CTNND2: variants seen among roughly 807,000 people sequenced by gnomAD.
CTNND2 encodes catenin delta 2.
A neutral mutation model predicts 144.4 loss-of-function variants in CTNND2; 22 were observed. The ratio of observed to expected loss-of-function variants is 0.15; its 90% CI spans 0.11 to 0.22. The LOEUF (loss-of-function observed/expected upper bound fraction) is 0.22. CTNND2 is among the 10% of genes least tolerant of loss of function. The pLI is 1.00. For synonymous variants in CTNND2, 751 were observed against 695.6 expected (o/e 1.08, Z -1.25); for missense variants, 1,353 against 1,618.8 (o/e 0.84, Z 2.82).
At chr5:11,510,420 T>G (rs953651877) in intron 3 of CTNND2, among the ~76,000 whole-genome samples, 7 of 152,342 alleles carry the variant, frequency 4.6e-5, no homozygotes, top group Admixed American at 4.6e-4. Context: ...ATTTCTACAC[T>G]CATTAAATTT....
At chr5:11,397,316 C>T in intron 5 of CTNND2, 113 bp from the exon 6 acceptor site, 2 of 831,036 alleles carry the variant, frequency 2.4e-6, no homozygotes, top group Non-Finnish European at 3.5e-6. Context: ...TTCCAGCCAT[C>T]CATGCTTAAA....
chr5:11,422,321 G>A (rs1762436209), intron 3 of CTNND2, among the ~76,000 whole-genome samples: 1 of 152,156 alleles, frequency 6.6e-6, no homozygotes. Flanking sequence ...TGTTGCTCAG[G>A]ATGTCTTTCC....
At chr5:11,383,144 C>T (rs914263285) in intron 7 of CTNND2, among the ~76,000 whole-genome samples, 5 of 152,052 alleles carry the variant, frequency 3.3e-5, no homozygotes, top group South Asian at 2.1e-4. Flanking sequence ...GGAGAAAGAA[C>T]TGGAAGCTAA....
chr5:11,853,930 A>G (rs1029442455), intron 1 of CTNND2, among the ~76,000 whole-genome samples: 13 of 152,150 alleles, frequency 8.5e-5, no homozygotes, highest in Non-Finnish European at 1.9e-4. Flanking sequence ...CGTGTCCACC[A>G]CTGCTGTCCT....
intron 1 of CTNND2, among the ~76,000 whole-genome samples, chr5:11,849,445 A>G (rs1417948145): frequency 6.6e-6 from 1 of 152,186 alleles, no homozygotes; most frequent in African/African-American, 2.4e-5. Flanking sequence ...TAGCATTTTT[A>G]CTTATGAGAG....
chr5:11,875,513 G>A (rs1735498611), intron 1 of CTNND2, among the ~76,000 whole-genome samples: 1 of 152,168 alleles, frequency 6.6e-6, no homozygotes, highest in Non-Finnish European at 1.5e-5. Context: ...CAATGTAACA[G>A]TATTTAAAGC....
chr5:11,260,039 G>A (rs1744700359), intron 9 of CTNND2, among the ~76,000 whole-genome samples: 1 of 152,182 alleles, frequency 6.6e-6, no homozygotes, highest in Admixed American at 6.5e-5. Flanking sequence ...CTCTGCATAT[G>A]GTGAGTGAAA....
chr5:11,876,475 T>A (rs868110521), intron 1 of CTNND2, among the ~76,000 whole-genome samples: 1 of 152,192 alleles, frequency 6.6e-6, no homozygotes, highest in African/African-American at 2.4e-5. Context: ...TAACATTTAA[T>A]CATAGGGTTA....
intron 3 of CTNND2, among the ~76,000 whole-genome samples, chr5:11,429,259 T>C (rs1021558419): frequency 2.0e-5 from 3 of 152,224 alleles, no homozygotes; most frequent in East Asian, 3.8e-4. Flanking sequence ...ATTAAGCCCA[T>C]TGCCATATTT....
chr5:11,320,120 T>C (rs1483452413), intron 9 of CTNND2, among the ~76,000 whole-genome samples: 1 of 152,214 alleles, frequency 6.6e-6, no homozygotes, highest in African/African-American at 2.4e-5. Flanking sequence ...CACTGCTCAA[T>C]TGCATTCAAC....
At chr5:11,234,911 A>G (rs1741457613) in intron 10 of CTNND2, among the ~76,000 whole-genome samples, 1 of 152,228 alleles carries the variant, frequency 6.6e-6, no homozygotes, top group Non-Finnish European at 1.5e-5. Flanking sequence ...TACAAGGCCC[A>G]GTCTGCATGT....
At chr5:11,602,171 CCAT>C (rs1779827584) in intron 2 of CTNND2, among the ~76,000 whole-genome samples, 2 of 151,938 alleles carry the variant, frequency 1.3e-5, no homozygotes, top group South Asian at 2.1e-4. Context: ...ATAAAATACT[CCAT>C]CATAATTTAA....
At chr5:11,467,386 G>T (rs1581257995) in intron 3 of CTNND2, among the ~76,000 whole-genome samples, 1 of 152,210 alleles carries the variant, frequency 6.6e-6, no homozygotes, top group Admixed American at 6.5e-5. Context: ...CCCACACTGG[G>T]GCAAGGCTTT....
rs531056491 is a variant in CTNND2, at chr5:11,238,607, G to A, written c.1629-1784C>T. 5.3e-5 allele frequency among the ~76,000 whole-genome samples: 8 copies of A among 152,200 alleles called. No individual in the cohort carries two copies. In the East Asian group the frequency reaches 7.7e-4, roughly 15 times the overall value. ...ATAGAATACCTCTTGAAATGGCTTCGTTTTTATTGGAAAGATAAAGCATTC... is the reference window on the plus strand; with the variant it reads ...ATAGAATACCTCTTGAAATGGCTTCATTTTTATTGGAAAGATAAAGCATTC... On this transcript the variant is annotated intron_variant, in intron 9 of 21. Transcript: ENST00000304623.
At chr5:11,352,254 G>A (rs1337376332) in intron 8 of CTNND2, among the ~76,000 whole-genome samples, 1 of 152,130 alleles carries the variant, frequency 6.6e-6, no homozygotes, top group African/African-American at 2.4e-5. Context: ...ACCAGAACAG[G>A]CCAAACATGC....
At chr5:11,829,467 G>C (rs1281648744) in intron 1 of CTNND2, among the ~76,000 whole-genome samples, 1 of 152,162 alleles carries the variant, frequency 6.6e-6, no homozygotes, top group Non-Finnish European at 1.5e-5. Context: ...AGCCATTCCA[G>C]TCATGGCTGA....
intron 18 of CTNND2, among the ~76,000 whole-genome samples, chr5:10,997,379 G>A (rs1232873072): frequency 6.6e-6 from 1 of 152,110 alleles, no homozygotes; most frequent in Non-Finnish European, 1.5e-5. Context: ...AGATCACGAG[G>A]TCAAGAGATC....
At chr5:11,559,180 T>C (rs945560661) in intron 3 of CTNND2, among the ~76,000 whole-genome samples, 1 of 152,204 alleles carries the variant, frequency 6.6e-6, no homozygotes, top group Non-Finnish European at 1.5e-5. Flanking sequence ...GGTGGGATTG[T>C]GGAAGACAGA....
rs1048773344 is a variant in CTNND2, at chr5:11,673,991, A to G, written c.174+58145T>C. ...ATATTCAACCTCAGTTTTAAATATG[A>G]AGCCGAATTTATTCACAGAGGTTTG... On this transcript the variant is annotated intron_variant, in intron 2 of 21. Coordinates refer to ENST00000304623, the MANE Select transcript of CTNND2 (RefSeq NM_001332.4). Among the ~76,000 whole-genome samples the G allele has an allele frequency of 1.2e-4, 19 of 152,292 alleles. No individual in the cohort carries two copies. The East Asian group carries it at 1.5e-3, about 12-fold the overall frequency.
Sources: gnomAD v4.1 joint callset for allele counts (sites outside exome capture counted in the v4.1 genomes callset) on GRCh38, gnomAD v4.1.1 for gene constraint, MANE v1.5 for transcripts, NCBI Gene and HGNC (gene_info 2026-07-23, HGNC 2026-07-21) for gene names.